The following TTC28 variants were observed in gnomAD, a reference collection of about 807,000 sequenced individuals.
TTC28 encodes the protein tetratricopeptide repeat protein 28.
TTC28 carries 61 observed loss-of-function variants against 198.0 expected under a neutral mutation model. The ratio of observed to expected loss-of-function variants is 0.31; its 90% confidence interval spans 0.25 to 0.38. TTC28 has a LOEUF of 0.38. Ranked by LOEUF, TTC28 falls within the 10% of genes least tolerant of loss-of-function variation. The probability of loss-of-function intolerance (pLI) is 1.00; values close to 1 mark genes in which losing one functional copy is unlikely to be tolerated. For synonymous variants in TTC28, 1,171 were observed against 1,297.8 expected, an observed-to-expected ratio of 0.90 and a Z score of 2.10; for missense variants, 2,678 against 3,164.0, an observed-to-expected ratio of 0.85 and a Z score of 3.69.
At chr22:28,055,239 G>A (rs144675584) in intron 12 of TTC28, among the ~76,000 whole-genome samples, 207 of 152,278 alleles carry the variant, frequency 1.4e-3, no homozygotes, top group Middle Eastern at 3.4e-3. Context: ...GCTCTGCTAC[G>A]AGTCAAGAAA....
chr22:28,308,432 A>C (rs1168478685), intron 2 of TTC28, among the ~76,000 whole-genome samples: 1 of 152,198 alleles, frequency 6.6e-6, no homozygotes, highest in Non-Finnish European at 1.5e-5. Flanking sequence ...AGACACAAAA[A>C]ATGTCTTAGT....
intron 2 of TTC28, among the ~76,000 whole-genome samples, chr22:28,468,557 C>T (rs2048055782): frequency 6.6e-6 from 1 of 151,744 alleles, no homozygotes; most frequent in African/African-American, 2.4e-5. Context: ...CACTCTGTCG[C>T]CCAGGCTGGA....
intron 2 of TTC28, among the ~76,000 whole-genome samples, chr22:28,490,861 G>T (rs1361082473): frequency 6.6e-6 from 1 of 152,044 alleles, no homozygotes. Context: ...ACAATAGATA[G>T]AAGTCAAATA....
rs529389400 is a variant in TTC28 at position 27,982,364 on chromosome 22, G to A, written c.7303C>T (p.Arg2435Cys). 1.9e-5 allele frequency: 30 copies of A among 1,549,568 alleles called. No homozygotes were observed. Among genetic ancestry groups the A allele is most frequent in the East Asian group, 4.9e-5 (2 of 40,834 alleles). The change falls in exon 23 of 23, where the codon CGC (arginine) becomes TGC (cysteine). Residue 2435 changes from arginine (R) to cysteine (C), a missense_variant. Arg to Cys is a radical substitution (Grantham distance 180). Transcript: ENST00000397906. The surrounding 1 kb of genome is among the most constrained non-coding windows in gnomAD (Gnocchi z 5.2). ...GAGCCCAGCGAGGTGGTCTCGGTGC[G>A]CCAGTGTCCGTTGGGAGGGGCTTTC... ...PPKAPPNGHW[R>C]TETTSLGSLP...
chr22:28,516,215 C>T (rs941943613), intron 2 of TTC28, among the ~76,000 whole-genome samples: 1 of 151,220 alleles, frequency 6.6e-6, no homozygotes, highest in Non-Finnish European at 1.5e-5. Flanking sequence ...CATATTTTAA[C>T]ATTTTTAAAT....
chr22:28,499,020 A>T (rs925931112), intron 2 of TTC28, among the ~76,000 whole-genome samples: 6 of 151,838 alleles, frequency 4.0e-5, no homozygotes, highest in African/African-American at 9.7e-5. Flanking sequence ...TGCAAAAAAA[A>T]TTTTTTTTAA....
intron 13 of TTC28, among the ~76,000 whole-genome samples, chr22:28,025,080 T>C (rs896233497): frequency 2.0e-5 from 3 of 152,066 alleles, no homozygotes; most frequent in Non-Finnish European, 2.9e-5. Context: ...TGACGGCAGA[T>C]TGGGTCATCA....
chr22:28,454,822 A>C (rs2047834311), intron 2 of TTC28, among the ~76,000 whole-genome samples: 1 of 152,238 alleles, frequency 6.6e-6, no homozygotes, highest in Admixed American at 6.5e-5. Flanking sequence ...AAAATGAAAA[A>C]AGAGAAGACA....
At chr22:28,373,617 C>T (rs1435948713) in intron 2 of TTC28, among the ~76,000 whole-genome samples, 1 of 152,110 alleles carries the variant, frequency 6.6e-6, no homozygotes, top group Non-Finnish European at 1.5e-5. Flanking sequence ...TATAAACAAG[C>T]TTGTTTAGTA....
At chr22:28,121,169 G>A (rs1308933067) in intron 6 of TTC28, among the ~76,000 whole-genome samples, 1 of 152,168 alleles carries the variant, frequency 6.6e-6, no homozygotes, top group Non-Finnish European at 1.5e-5. Flanking sequence ...TTCCTAGAAA[G>A]CTCTTGTAAT....
Position 28,108,258 on chromosome 22 carries a change from C to T in TTC28, c.1587G>A (p.Met529Ile). The T allele has an allele frequency of 6.4e-7, 1 of 1,550,588 alleles. No homozygotes were observed. The highest frequency in any genetic ancestry group is 1.2e-5 in the South Asian group (1 of 83,982). ...NMGNAYNALGMYDQAVKYHRQ... is the reference protein window; with the variant it reads ...NMGNAYNALGIYDQAVKYHRQ... The stretch of plus-strand genomic sequence containing the variant: ...GATGGTATTTGACCGCCTGGTCGTA[C>T]ATGCCCAGGGCATTGTAGGCATTGC... The change falls in exon 7 of 23, where the codon ATG (methionine) becomes ATA (isoleucine). Residue 529 changes from methionine (M) to isoleucine (I), a missense_variant. Met to Ile is a conservative substitution (Grantham distance 10). This residue lies in a region of TTC28 where 775 missense variants were observed against 845.9 expected (regional missense o/e 0.92). Transcript: ENST00000397906.
chr22:28,088,202 C>G (rs1183553799), intron 12 of TTC28, among the ~76,000 whole-genome samples: 2 of 152,106 alleles, frequency 1.3e-5, no homozygotes, highest in Admixed American at 1.3e-4. Context: ...CCCGCATTGC[C>G]AAGTCAATCT....
intron 2 of TTC28, among the ~76,000 whole-genome samples, chr22:28,517,929 A>T (rs8140465): frequency 1.2e-3 from 177 of 152,116 alleles, no homozygotes; most frequent in Non-Finnish European, 2.3e-3. Context: ...CATTTTTAAA[A>T]TTTTTATTTT....
chr22:28,021,193 G>T (rs1048988961), intron 13 of TTC28, among the ~76,000 whole-genome samples: 1 of 152,154 alleles, frequency 6.6e-6, no homozygotes, highest in Non-Finnish European at 1.5e-5. Context: ...GATGGTGGGG[G>T]CCCACCTAGC....
At chr22:28,025,289 C>T (rs1464704073) in intron 13 of TTC28, among the ~76,000 whole-genome samples, 1 of 152,166 alleles carries the variant, frequency 6.6e-6, no homozygotes, top group Non-Finnish European at 1.5e-5. Context: ...TACTACACAG[C>T]AGGATTGATC....
intron 10 of TTC28, 29 bp from the exon 11 acceptor site, chr22:28,096,437 T>C (rs1351411515): frequency 6.5e-7 from 1 of 1,547,786 alleles, no homozygotes; most frequent in Non-Finnish European, 8.7e-7. Context: ...TGCCGAGGAG[T>C]CCATAGTGAG....
At chr22:28,224,961 A>G (rs1928179118) in intron 5 of TTC28, among the ~76,000 whole-genome samples, 1 of 152,212 alleles carries the variant, frequency 6.6e-6, no homozygotes, top group Middle Eastern at 3.2e-3. Context: ...CAATGTTAGT[A>G]AGAACCAGTA....
chr22:28,571,730 C>G (rs757632308), intron 2 of TTC28, among the ~76,000 whole-genome samples: 3 of 151,196 alleles, frequency 2.0e-5, no homozygotes, highest in Non-Finnish European at 4.4e-5. Context: ...AGGTGAATCA[C>G]CTGAGGTCAG....
chr22:28,648,543 A>T (rs1165663542), intron 1 of TTC28, among the ~76,000 whole-genome samples: 1 of 152,254 alleles, frequency 6.6e-6, no homozygotes, highest in East Asian at 1.9e-4. Context: ...ACATGCATGC[A>T]TATGTTTATT....
Sources: gnomAD v4.1 joint callset for allele counts (sites outside exome capture counted in the v4.1 genomes callset) on GRCh38, gnomAD v4.1.1 for gene constraint, gnomAD v4.1.1 regional missense constraint, Gnocchi (gnomAD v3.1) non-coding constraint, MANE v1.5 for transcripts, NCBI Gene and HGNC (gene_info 2026-07-23, HGNC 2026-07-21) for gene names.